Variants in TEX11 observed in about 807,000 individuals in gnomAD.
TEX11 encodes the protein testis expressed 11.
In TEX11, 7 loss-of-function variants were observed where a neutral mutation model predicts 84.4. That is an observed-to-expected ratio of 0.08 (90% confidence interval 0.05 to 0.16). The LOEUF is 0.16. Ranked by LOEUF, TEX11 falls within the 10% of genes least tolerant of loss-of-function variation. TEX11 has a pLI of 1.00. For missense variants in TEX11, 551 were observed against 660.5 expected (o/e 0.83, Z 1.82); for synonymous variants, 264 against 222.8 (o/e 1.18, Z -1.64).
chrX:70,735,321 G>C (rs957813996), intron 11 of TEX11, among the ~76,000 whole-genome samples: 5 of 111,593 alleles, frequency 4.5e-5, no homozygotes, highest in African/African-American at 1.6e-4. Flanking sequence ...CAAAGTACTG[G>C]GATTACAGGT....
chrX:70,530,138 A>C, intron 28 of TEX11, 139 bp from the exon 29 acceptor site: 1 of 525,090 alleles, frequency 1.9e-6, no homozygotes, highest in Non-Finnish European at 3.1e-6. Context: ...GTGCTCCTGG[A>C]GAGTGCAGGA....
intron 15 of TEX11, among the ~76,000 whole-genome samples, 155 bp downstream of exon 15, chrX:70,678,649 C>T (rs774457364): frequency 2.7e-5 from 3 of 111,246 alleles, no homozygotes; most frequent in African/African-American, 9.8e-5. Flanking sequence ...GCACAATGCT[C>T]ATTAACACTC....
the TEX11 span, among the ~76,000 whole-genome samples, chrX:70,519,777 C>T: frequency 4.9e-3 from 544 of 111,894 alleles, 3 homozygotes; most frequent in African/African-American, 0.017. Context: ...TTGGTTTTTT[C>T]ACATAGTCCC....
At chrX:70,732,489 C>T (rs2090661180) in intron 11 of TEX11, among the ~76,000 whole-genome samples, 1 of 111,580 alleles carries the variant, frequency 9.0e-6, no homozygotes, top group South Asian at 3.8e-4. Flanking sequence ...AAATCACAAG[C>T]ATTCTTATAC....
chrX:70,686,448 A>G (rs900966802), intron 13 of TEX11, among the ~76,000 whole-genome samples: 8 of 111,555 alleles, frequency 7.2e-5, no homozygotes, highest in East Asian at 2.8e-4. Flanking sequence ...AGAAAACCAA[A>G]CACCACATGT....
At chrX:70,631,258 C>A (rs1438007738) in intron 17 of TEX11, among the ~76,000 whole-genome samples, 1 of 111,801 alleles carries the variant, frequency 8.9e-6, no homozygotes, top group East Asian at 2.8e-4. Context: ...TAGAACAAGT[C>A]TCAATATATT....
At chrX:70,831,753 T>G (rs1252096809) in intron 8 of TEX11, among the ~76,000 whole-genome samples, 1 of 111,643 alleles carries the variant, frequency 9.0e-6, no homozygotes, top group Non-Finnish European at 1.9e-5. Flanking sequence ...TGAAAATTGC[T>G]AAGAAAGTAG....
intron 28 of TEX11, among the ~76,000 whole-genome samples, chrX:70,551,408 A>G (rs1470142745): frequency 9.0e-6 from 1 of 111,540 alleles, no homozygotes; most frequent in Non-Finnish European, 1.9e-5. Flanking sequence ...CTTGTAACAC[A>G]AAGGATAAAT....
intron 13 of TEX11, among the ~76,000 whole-genome samples, chrX:70,684,443 G>A (rs1853756): frequency 0.43 from 46,858 of 110,002 alleles, 8,378 homozygotes; most frequent in East Asian, 0.58. Flanking sequence ...AAAATTAACT[G>A]GGCATGGTGG....
intron 2 of TEX11, among the ~76,000 whole-genome samples, chrX:70,901,972 G>A (rs923385221): frequency 8.8e-6 from 1 of 113,009 alleles, no homozygotes; most frequent in African/African-American, 3.2e-5. Context: ...AAAAATGACT[G>A]GGTACGGTGG....
intron 3 of TEX11, among the ~76,000 whole-genome samples, chrX:70,875,398 G>C (rs1448365052): frequency 1.8e-5 from 2 of 109,578 alleles, no homozygotes; most frequent in South Asian, 8.0e-4. Flanking sequence ...AAAGAAATAG[G>C]TGAATTATGA....
intron 20 of TEX11, among the ~76,000 whole-genome samples, chrX:70,619,769 G>A: frequency 9.0e-6 from 1 of 111,032 alleles, no homozygotes; most frequent in East Asian, 2.8e-4. Context: ...ATGATGGACT[G>A]GACAAATTAT....
chrX:70,837,799 G>T, intron 7 of TEX11, among the ~76,000 whole-genome samples: 1 of 111,887 alleles, frequency 8.9e-6, no homozygotes, highest in Non-Finnish European at 1.9e-5. Context: ...GTTATGTAAA[G>T]AATCTGTGTG....
At chrX:70,582,209 A>G (rs1478831121) in intron 25 of TEX11, among the ~76,000 whole-genome samples, 1 of 111,943 alleles carries the variant, frequency 8.9e-6, no homozygotes, top group Non-Finnish European at 1.9e-5. Context: ...AGACTCTACT[A>G]TCTGCTTCTG....
the TEX11 span, among the ~76,000 whole-genome samples, chrX:70,511,237 T>C: frequency 3.6e-5 from 4 of 112,425 alleles, no homozygotes; most frequent in Non-Finnish European, 7.5e-5. Context: ...ATTCAATTCT[T>C]CATTACTTCC....
At chrX:70,848,458 C>T (rs902469600) in intron 7 of TEX11, among the ~76,000 whole-genome samples, 4 of 111,548 alleles carry the variant, frequency 3.6e-5, no homozygotes, top group African/African-American at 1.3e-4. Context: ...GTGTCTTCTA[C>T]AACCCAGTCC....
rs187402241 is a variant in TEX11 at position 70,588,213 on chromosome X, G to A, written c.2140+3538C>T. On this transcript the variant is annotated intron_variant, in intron 25 of 29. Transcript: ENST00000374333. The stretch of plus-strand genomic sequence containing the variant: ...GGGGGACTGTTGGGAAGGCATGATT[G>A]GTTTTGAAATGTGAAAGGCACATGA... Among the ~76,000 whole-genome samples, 214 of 111,869 alleles carry A rather than the reference G, an allele frequency of 1.9e-3. 1 individual carries two copies. Among genetic ancestry groups the A allele is most frequent in the Middle Eastern group, 0.014 (3 of 218 alleles).
chrX:70,639,030 C>G (rs1292285820), intron 17 of TEX11, among the ~76,000 whole-genome samples: 1 of 110,215 alleles, frequency 9.1e-6, no homozygotes, highest in Non-Finnish European at 1.9e-5. Flanking sequence ...GAGTGCCAGA[C>G]AGTGGGCGCA....
intron 9 of TEX11, among the ~76,000 whole-genome samples, chrX:70,753,363 A>G (rs1308983947): frequency 9.0e-6 from 1 of 111,317 alleles, no homozygotes; most frequent in African/African-American, 3.3e-5. Flanking sequence ...AGAAAATCGA[A>G]GAGTGGGGAG....
Sources: allele counts gnomAD v4.1 joint callset (sites outside exome capture counted in the v4.1 genomes callset), GRCh38; gene constraint gnomAD v4.1.1; transcripts MANE v1.5; gene names NCBI Gene and HGNC (gene_info 2026-07-23, HGNC 2026-07-21).